BACH1: variants seen among roughly 807,000 people sequenced by gnomAD.
BACH1 encodes transcription regulator protein BACH1.
A neutral mutation model predicts 52.9 loss-of-function variants in BACH1; 35 were observed. The ratio of observed to expected loss-of-function variants is 0.66; its 90% CI spans 0.51 to 0.88. BACH1 has a LOEUF of 0.88. Among genes scored for constraint, BACH1 ranks in the 40% least tolerant of loss-of-function variants. The pLI, the probability that BACH1 is intolerant of heterozygous loss-of-function variation, is 0.00. For missense variants in BACH1, 808 were observed against 872.6 expected (o/e 0.93, Z 0.93); for synonymous variants, 321 against 319.6 (o/e 1.00, Z -0.05).
At position 29,323,974 on chromosome 21, in the gene BACH1, G is replaced by A. The variant is rs190085572; in HGVS notation, c.235-2085G>A. Among the ~76,000 whole-genome samples the A allele has an allele frequency of 3.1e-3, 468 of 152,188 alleles. 3 individuals are homozygous for A. Among genetic ancestry groups the A allele is most frequent in the Admixed American group, 0.011 (167 of 15,282 alleles). ...CACCACCATAGTTAAGATAACAGCCGGGCCCAGTGGCTCATGCCTGTAATC... is the reference window on the plus strand; with the variant it reads ...CACCACCATAGTTAAGATAACAGCCAGGCCCAGTGGCTCATGCCTGTAATC... On this transcript the variant is annotated intron_variant, in intron 2 of 4. Transcript: ENST00000286800.
intron 1 of BACH1, among the ~76,000 whole-genome samples, chr21:29,311,311 T>G (rs1447994112): frequency 6.6e-6 from 1 of 152,232 alleles, no homozygotes; most frequent in Non-Finnish European, 1.5e-5. Context: ...TATTAATACT[T>G]GCAACCAAGT....
At chr21:29,299,408 A>G (rs1275839493) in intron 1 of BACH1, 3 of 152,374 alleles carry the variant, frequency 2.0e-5, no homozygotes, top group Non-Finnish European at 4.4e-5. Context: ...CCGCATGCCC[A>G]GCCTCGCGTC....
At chr21:29,335,334 C>T (rs975332012) in intron 4 of BACH1, among the ~76,000 whole-genome samples, 11 of 152,152 alleles carry the variant, frequency 7.2e-5, no homozygotes, top group Admixed American at 3.9e-4. Context: ...CTGCCCAGCA[C>T]GTGTTCAGGG....
chr21:29,298,989 G>A (rs2088571037), intron 1 of BACH1, 36 bp downstream of exon 1: 1 of 151,902 alleles, frequency 6.6e-6, no homozygotes, highest in South Asian at 2.0e-4. Context: ...CCCTTCTCCG[G>A]GAGGGTTGGC....
intron 4 of BACH1, among the ~76,000 whole-genome samples, chr21:29,340,890 T>C (rs2089103543): frequency 6.6e-6 from 1 of 150,644 alleles, no homozygotes; most frequent in Non-Finnish European, 1.5e-5. Flanking sequence ...AAACTTTGCA[T>C]AAGAGAAAAT....
intron 4 of BACH1, among the ~76,000 whole-genome samples, chr21:29,341,061 G>T (rs533448463): frequency 1.1e-4 from 17 of 150,144 alleles, no homozygotes; most frequent in African/African-American, 3.4e-4. Flanking sequence ...TGTATTTATT[G>T]TATATTTTCT....
downstream of BACH1, among the ~76,000 whole-genome samples, chr21:29,346,931 T>C (rs564120465): frequency 3.3e-5 from 5 of 151,944 alleles, no homozygotes; most frequent in African/African-American, 1.2e-4. Flanking sequence ...CAGAAGGAGG[T>C]TGTCACAGTG....
At chr21:29,352,057 CTTT>C (rs35436105) in intron 2 of BACH1, among the ~76,000 whole-genome samples, 7 of 139,822 alleles carry the variant, frequency 5.0e-5, no homozygotes, top group Admixed American at 7.2e-5. Flanking sequence ...ACCTAGTTTT[CTTT>C]TTTTTTTTTT....
intron 4 of BACH1, among the ~76,000 whole-genome samples, chr21:29,338,733 T>G (rs2089074904): frequency 1.3e-5 from 2 of 152,222 alleles, no homozygotes; most frequent in African/African-American, 2.4e-5. Flanking sequence ...TAAAACTATA[T>G]TTTAAAAAAT....
intron 3 of BACH1, among the ~76,000 whole-genome samples, chr21:29,328,765 TTCTG>T (rs1002434823): frequency 2.6e-5 from 4 of 152,178 alleles, no homozygotes; most frequent in African/African-American, 4.8e-5. Flanking sequence ...AGTTTGACTG[TTCTG>T]TCTACTTCGT....
intron 2 of BACH1, among the ~76,000 whole-genome samples, chr21:29,324,231 CAAAAAAAAA>C (rs35915821): frequency 4.7e-5 from 3 of 63,164 alleles, no homozygotes; most frequent in African/African-American, 1.5e-4. Flanking sequence ...GACTCTGCCT[CAAAAAAAAA>C]AAAAAAAAAA....
chr21:29,346,764 G>A (rs1391699558), downstream of BACH1, among the ~76,000 whole-genome samples: 1 of 152,244 alleles, frequency 6.6e-6, no homozygotes, highest in Non-Finnish European at 1.5e-5. Flanking sequence ...GTGCTCAGTT[G>A]TGTGAGATAG....
intron 1 of BACH1, among the ~76,000 whole-genome samples, chr21:29,318,520 G>A (rs2088813408): frequency 6.6e-6 from 1 of 152,214 alleles, no homozygotes; most frequent in Admixed American, 6.5e-5. Flanking sequence ...GCAGCTGACA[G>A]GACTTGGGGT....
chr21:29,305,850 T>C (rs748340495), intron 1 of BACH1, among the ~76,000 whole-genome samples: 1 of 152,236 alleles, frequency 6.6e-6, no homozygotes, highest in Non-Finnish European at 1.5e-5. Flanking sequence ...ACATTTAACT[T>C]ATGAAACAAA....
chr21:29,321,177 T>A, intron 1 of BACH1, 44 bp from the exon 2 acceptor site: 1 of 1,007,430 alleles, frequency 9.9e-7, no homozygotes. Flanking sequence ...TGTCATTTTT[T>A]AACAAGATGT....
intron 2 of BACH1, among the ~76,000 whole-genome samples, chr21:29,356,990 C>A (rs938841659): frequency 1.3e-5 from 2 of 152,212 alleles, no homozygotes; most frequent in Non-Finnish European, 2.9e-5. Context: ...AGACTGCCAC[C>A]TCCTTGGGTT....
At chr21:29,359,933 T>C (rs1027198331) in intron 2 of BACH1, among the ~76,000 whole-genome samples, 3 of 152,192 alleles carry the variant, frequency 2.0e-5, no homozygotes, top group Non-Finnish European at 4.4e-5. Context: ...CTCTGACCTA[T>C]TGTTTATGTA....
chr21:29,360,393 G>A (rs555636172), intron 2 of BACH1, among the ~76,000 whole-genome samples: 72 of 152,312 alleles, frequency 4.7e-4, no homozygotes, highest in African/African-American at 1.7e-3. Flanking sequence ...GCTAAAAGCT[G>A]CTATTTTGTC....
Position 29,306,256 on chromosome 21 carries a change from C to T in BACH1, c.-61+7303C>T, listed in dbSNP as rs16983948. ...GGAAAAAGGTTGAAGATGCAGGCAA[C>T]GTCCTTGTTTTGTCCTTGGCAAGTT... On this transcript the variant is annotated intron_variant, in intron 1 of 4. Coordinates refer to ENST00000286800, the MANE Select transcript of BACH1 (RefSeq NM_001186.4). Among the ~76,000 whole-genome samples, 1,410 of 150,496 alleles carry T rather than the reference C, an allele frequency of 9.4e-3. 35 individuals carry two copies. Among genetic ancestry groups the T allele is most frequent in the Admixed American group, 0.048 (719 of 15,074 alleles).
Sources: gnomAD v4.1 joint callset for allele counts (sites outside exome capture counted in the v4.1 genomes callset) on GRCh38, gnomAD v4.1.1 for gene constraint, MANE v1.5 for transcripts, NCBI Gene and HGNC (gene_info 2026-07-23, HGNC 2026-07-21) for gene names.